POU6F2: variants seen among roughly 807,000 people sequenced by gnomAD.
The protein encoded by POU6F2 is POU domain, class 6, transcription factor 2.
Under a neutral mutation model 71.3 loss-of-function variants are expected in POU6F2, and 31 were observed. That is an observed-to-expected ratio of 0.43 (90% CI 0.33 to 0.59). The LOEUF (loss-of-function observed/expected upper bound fraction) is 0.59, where lower values mean the gene tolerates loss of function less well. POU6F2 is among the 20% of genes least tolerant of loss of function. POU6F2 has a pLI of 0.04. For missense variants in POU6F2, 783 were observed against 856.8 expected (o/e 0.91, Z 1.07); for synonymous variants, 347 against 355.7 (o/e 0.98, Z 0.27).
chr7:39,054,187 C>A (rs1165737619), intron 1 of POU6F2, among the ~76,000 whole-genome samples: 3 of 152,064 alleles, frequency 2.0e-5, no homozygotes, highest in Non-Finnish European at 4.4e-5. Flanking sequence ...ATCAAAACTA[C>A]CACAAGGTAC....
At chr7:39,148,052 A>G (rs1021151809) in intron 2 of POU6F2, among the ~76,000 whole-genome samples, 1 of 152,188 alleles carries the variant, frequency 6.6e-6, no homozygotes, top group Non-Finnish European at 1.5e-5. Context: ...TTCACCATAC[A>G]TGAATATGGC....
At chr7:39,268,073 G>A (rs148850997) in intron 4 of POU6F2, among the ~76,000 whole-genome samples, 3 of 152,190 alleles carry the variant, frequency 2.0e-5, no homozygotes, top group Admixed American at 6.5e-5. Context: ...AGAAGCATTC[G>A]CTTTTGATGA....
chr7:39,434,673 AAC>A (rs761311894), intron 7 of POU6F2, among the ~76,000 whole-genome samples: 16 of 152,012 alleles, frequency 1.1e-4, no homozygotes, highest in Non-Finnish European at 1.8e-4. Context: ...AAAAACAAAA[AAC>A]ACAAAAAAAA....
intron 2 of POU6F2, among the ~76,000 whole-genome samples, 200 bp downstream of exon 2, chr7:39,086,231 A>C (rs1791242894): frequency 6.6e-6 from 1 of 152,128 alleles, no homozygotes; most frequent in Non-Finnish European, 1.5e-5. Context: ...CCAACAAGGA[A>C]CTTATTCGCT....
In POU6F2 at chr7:38,985,464, T is replaced by C. The variant is rs116992297; in HGVS notation, c.105+7406T>C. 2.3e-3 allele frequency among the ~76,000 whole-genome samples: 348 copies of C among 152,278 alleles called. 11 individuals are homozygous for C. In the East Asian group the frequency reaches 0.047, roughly 20 times the overall value. On this transcript the variant is annotated intron_variant, in intron 1 of 9. Transcript: ENST00000518318. The stretch of plus-strand genomic sequence containing the variant: ...ATCCAGAATGTTCCAGCTTGAATCT[T>C]ATATCCTTAGGGTTACAATATTGAA...
intron 4 of POU6F2, among the ~76,000 whole-genome samples, chr7:39,208,124 A>G (rs1022139155): frequency 1.3e-5 from 2 of 152,226 alleles, no homozygotes; most frequent in African/African-American, 4.8e-5. Flanking sequence ...AAATTGTGTT[A>G]TTTGAGCTCA....
At chr7:39,225,356 C>G (rs771215668) in intron 4 of POU6F2, among the ~76,000 whole-genome samples, 11 of 152,102 alleles carry the variant, frequency 7.2e-5, no homozygotes, top group Non-Finnish European at 1.6e-4. Flanking sequence ...TGGTTCCTAA[C>G]TGCCCAACTT....
At chr7:39,391,323 A>T (rs1233762259) in intron 5 of POU6F2, among the ~76,000 whole-genome samples, 1 of 152,088 alleles carries the variant, frequency 6.6e-6, no homozygotes, top group Non-Finnish European at 1.5e-5. Flanking sequence ...TTCCTATATA[A>T]TAATTATATG....
chr7:39,283,791 C>T (rs1215540316), intron 4 of POU6F2, among the ~76,000 whole-genome samples: 1 of 152,174 alleles, frequency 6.6e-6, no homozygotes, highest in East Asian at 1.9e-4. Context: ...GTTAAAGAAA[C>T]ACTGCTTCTG....
chr7:39,017,605 C>T (rs138626755), intron 1 of POU6F2, among the ~76,000 whole-genome samples: 1 of 152,138 alleles, frequency 6.6e-6, no homozygotes, highest in African/African-American at 2.4e-5. Flanking sequence ...AACTTCCCCA[C>T]CTCTCTGCCT....
intron 1 of POU6F2, among the ~76,000 whole-genome samples, chr7:39,049,469 C>G (rs999738750): frequency 2.6e-5 from 4 of 151,928 alleles, no homozygotes; most frequent in Admixed American, 1.3e-4. Flanking sequence ...GGGGATTCAT[C>G]AGATCTCTTT....
At chr7:39,217,249 A>G (rs1040180488) in intron 4 of POU6F2, among the ~76,000 whole-genome samples, 6 of 148,458 alleles carry the variant, frequency 4.0e-5, no homozygotes, top group African/African-American at 9.8e-5. Context: ...TGCATTCATT[A>G]TGTATGAACA....
At chr7:39,445,677 A>G (rs1788507869) in intron 7 of POU6F2, among the ~76,000 whole-genome samples, 2 of 152,200 alleles carry the variant, frequency 1.3e-5, no homozygotes, top group Admixed American at 1.3e-4. Flanking sequence ...GGTCCTCCAA[A>G]TGTTTGAAGG....
At chr7:39,432,282 G>A (rs1788120674) in intron 6 of POU6F2, among the ~76,000 whole-genome samples, 1 of 152,062 alleles carries the variant, frequency 6.6e-6, no homozygotes, top group African/African-American at 2.4e-5. Context: ...TGCCACAGAA[G>A]CCCCAAGCCC....
chr7:39,036,025 C>A (rs562563678), intron 1 of POU6F2, among the ~76,000 whole-genome samples: 1 of 151,978 alleles, frequency 6.6e-6, no homozygotes, highest in African/African-American at 2.4e-5. Context: ...GGAAAAATGC[C>A]GCCCAAAGAA....
intron 2 of POU6F2, among the ~76,000 whole-genome samples, chr7:39,168,435 A>G (rs1562731377): frequency 1.3e-5 from 2 of 152,220 alleles, no homozygotes; most frequent in South Asian, 4.1e-4. Context: ...TAATGTAACA[A>G]TCATAACCTT....
chr7:39,159,262 G>A lies in POU6F2; in HGVS notation c.278-44973G>A, dbSNP rs1249662711. ...TGTTTTTCTATAGGATTATGTTCTT[G>A]TCTATGTTCTATGTCTTATCTTTCA... is the stretch of plus-strand genomic sequence containing the variant. On this transcript the variant is annotated intron_variant, in intron 2 of 9. Coordinates refer to ENST00000518318, the MANE Select transcript of POU6F2 (RefSeq NM_001370959.1). Among the ~76,000 whole-genome samples the A allele has an allele frequency of 3.3e-5, 5 of 152,208 alleles. No homozygotes were observed. The Middle Eastern group carries it at 0.01, about 311-fold the overall frequency.
chr7:39,305,773 C>T (rs1218597280), intron 4 of POU6F2, among the ~76,000 whole-genome samples: 1 of 152,124 alleles, frequency 6.6e-6, no homozygotes, highest in African/African-American at 2.4e-5. Context: ...GTAAACAGGC[C>T]TTTGCTAATG....
chr7:39,349,038 C>G (rs1786085011), intron 5 of POU6F2, among the ~76,000 whole-genome samples: 2 of 152,072 alleles, frequency 1.3e-5, no homozygotes, highest in Admixed American at 1.3e-4. Context: ...ATTGTGGGGT[C>G]AGCACAACTA....
Sources: gnomAD v4.1 joint callset for allele counts (sites outside exome capture counted in the v4.1 genomes callset) on GRCh38, gnomAD v4.1.1 for gene constraint, MANE v1.5 for transcripts, NCBI Gene and HGNC (gene_info 2026-07-23, HGNC 2026-07-21) for gene names.